Variants in CACNA1H observed in about 807,000 individuals in gnomAD.
CACNA1H encodes calcium voltage-gated channel subunit alpha1 H, also known as voltage-dependent T-type calcium channel subunit alpha-1H.
In CACNA1H, 149 loss-of-function variants were observed where a neutral mutation model predicts 192.5. That is an observed-to-expected ratio of 0.77 (90% CI 0.68 to 0.89). CACNA1H has a LOEUF of 0.89. Ranked by LOEUF, CACNA1H falls within the 40% of genes least tolerant of loss-of-function variation. The probability of loss-of-function intolerance (pLI) is 0.00; values close to 1 mark genes in which losing one functional copy is unlikely to be tolerated. For missense variants in CACNA1H, 4,257 were observed against 3,423.5 expected (o/e 1.24, Z -6.08); for synonymous variants, 2,202 against 1,475.2 (o/e 1.49, Z -11.29).
In CACNA1H at chr16:1,153,321, CGGGCCGGGGGCGGAGGCGCTGGGGGCCG is replaced by C. The variant is rs1961820934; in HGVS notation, c.-158_-131del. The C allele has an allele frequency of 7.1e-6, 1 of 140,150 alleles. No homozygotes were observed. Among genetic ancestry groups the C allele is most frequent in the Admixed American group, 7.0e-5 (1 of 14,330 alleles). 8.7% of individuals were successfully genotyped at this position (140,150 alleles called of 1,614,324 possible). The stretch of plus-strand genomic sequence containing the variant: ...CCGGGAGCCGGGCGGGCTGGGGACG[CGGGCCGGGGGCGGAGGCGCTGGGGGCCG>C]GGGCCGGGGCCGGGGGCGGAGGCGC... On this transcript the variant is annotated 5_prime_UTR_variant, in exon 1 of 35. Coordinates refer to ENST00000348261, the MANE Select transcript of CACNA1H (RefSeq NM_021098.3).
rs374847612 is a variant in CACNA1H, at chr16:1,209,318, G to T, written c.3650G>T (p.Arg1217Leu). ...CTCCCGCCTACCAAGTGCCGCGATC[G>T]CGACGGGCAGGTGGTGGCCCTGCCC... ...AALPPTKCRD[R>L]DGQVVALPSD... Residue 1217 changes from arginine to leucine, a missense_variant, in exon 17 of 35, where the codon CGC becomes CTC. Arg to Leu is a moderately radical substitution (Grantham distance 102, BLOSUM62 -2). Coordinates refer to ENST00000348261, the MANE Select transcript of CACNA1H (RefSeq NM_021098.3). 1 of 1,597,748 alleles carries T rather than the reference G, an allele frequency of 6.3e-7. No individual in the cohort carries two copies. The highest frequency in any genetic ancestry group is 8.5e-7 in the Non-Finnish European group (1 of 1,179,088).
At chr16:1,165,936 G>C (rs1170438373) in intron 2 of CACNA1H, among the ~76,000 whole-genome samples, 1 of 152,182 alleles carries the variant, frequency 6.6e-6, no homozygotes, top group Non-Finnish European at 1.5e-5. Flanking sequence ...TGTGGGGCAA[G>C]AGTGGTGGGC....
chr16:1,163,695 G>A (rs1330833317), intron 2 of CACNA1H, among the ~76,000 whole-genome samples: 3 of 152,238 alleles, frequency 2.0e-5, no homozygotes, highest in South Asian at 2.1e-4. Flanking sequence ...GAAGCTGGCC[G>A]CTGTGTCTGA....
chr16:1,186,129 T>G (rs1250777917), intron 2 of CACNA1H, among the ~76,000 whole-genome samples: 6 of 108,606 alleles, frequency 5.5e-5, no homozygotes, highest in East Asian at 2.5e-4. Context: ...GGAGGCGGGG[T>G]GTGTACGGGG....
chr16:1,182,445 G>A (rs1965570029), intron 2 of CACNA1H, among the ~76,000 whole-genome samples: 3 of 152,148 alleles, frequency 2.0e-5, no homozygotes, highest in Non-Finnish European at 1.5e-5. Context: ...TGCGCTGGGG[G>A]CGGTGCTCTC....
chr16:1,205,143 C>G lies in CACNA1H; in HGVS notation c.2481C>G (p.Ile827Met), dbSNP rs1200415720. The change falls in exon 11 of 35, where the codon ATC (isoleucine) becomes ATG (methionine). Residue 827 changes from isoleucine to methionine, a missense_variant. Coordinates refer to ENST00000348261, the MANE Select transcript of CACNA1H (RefSeq NM_021098.3). ...QPEELTNALE[I>M]SNIVFTSMFA... ...AGGAGCTGACTAATGCTCTGGAGATCAGCAACATCGTGTTCACCAGCATGT... is the reference window on the plus strand; with the variant it reads ...AGGAGCTGACTAATGCTCTGGAGATGAGCAACATCGTGTTCACCAGCATGT... The G allele has an allele frequency of 3.7e-6, 6 of 1,612,686 alleles. No homozygotes were observed. The highest frequency in any genetic ancestry group is 5.1e-6 in the Non-Finnish European group (6 of 1,179,772).
chr16:1,215,185 C>A (rs749939074), intron 28 of CACNA1H, 57 bp from the exon 29 acceptor site: 1 of 1,580,060 alleles, frequency 6.3e-7, no homozygotes, highest in African/African-American at 1.3e-5. Flanking sequence ...GCAGAAGCAA[C>A]GCTGCTGAGC....
Position 1,204,248 on chromosome 16 carries a change from T to C in CACNA1H, c.2241T>C (p.Arg747=), listed in dbSNP as rs1003381153. 6.2e-7 allele frequency: 1 copy of C among 1,610,408 alleles called. No homozygotes were observed. The highest frequency in any genetic ancestry group is 8.5e-7 in the Non-Finnish European group (1 of 1,178,896). Residue 747 remains arginine, a synonymous_variant, in exon 10 of 35, where the codon CGT becomes CGC. Coordinates refer to ENST00000348261, the MANE Select transcript of CACNA1H (RefSeq NM_021098.3). Reference sequence around the variant, plus strand: ...GCTGGGACCCCACGCGACCACCCCGTGCGACGGACACACCAGGCCCAGGCC... The same window carrying C: ...GCTGGGACCCCACGCGACCACCCCGCGCGACGGACACACCAGGCCCAGGCC... The part of the protein sequence containing the change: ...GDRWDPTRPP[R]ATDTPGPGPG...
intron 2 of CACNA1H, among the ~76,000 whole-genome samples, chr16:1,192,164 C>T (rs551207542): frequency 6.6e-6 from 1 of 152,346 alleles, no homozygotes; most frequent in South Asian, 2.1e-4. Flanking sequence ...CCAGACGGTC[C>T]GAGAGGTCGG....
chr16:1,160,071 C>T (rs888531084), intron 2 of CACNA1H: 1 of 152,346 alleles, frequency 6.6e-6, no homozygotes, highest in Non-Finnish European at 1.5e-5. Flanking sequence ...TCCACAGCAG[C>T]TCTGCTGGCT....
At position 1,202,169 on chromosome 16, in the gene CACNA1H, C is replaced by T. The variant is rs964041008; in HGVS notation, c.1719C>T (p.His573=). Residue 573 remains histidine (H), a synonymous_variant, in exon 9 of 35, where the codon CAC becomes CAT. Coordinates refer to ENST00000348261, the MANE Select transcript of CACNA1H (RefSeq NM_021098.3). Reference sequence around the variant, plus strand: ...GACCCCCCGACGCAGAGTCTGTGCACAGCATCTACCATGCCGACTGCCACA... The same window carrying T: ...GACCCCCCGACGCAGAGTCTGTGCATAGCATCTACCATGCCGACTGCCACA... ...GRGPPDAESV[H]SIYHADCHIE... 30 of 1,551,940 alleles carry T rather than the reference C, an allele frequency of 1.9e-5. No homozygotes were observed. In the East Asian group the frequency reaches 3.9e-4, roughly 20 times the overall value.
At chr16:1,158,488 C>T (rs1962731011) in intron 2 of CACNA1H, among the ~76,000 whole-genome samples, 1 of 152,172 alleles carries the variant, frequency 6.6e-6, no homozygotes, top group Non-Finnish European at 1.5e-5. Context: ...CGTAGTCATT[C>T]CCTCCCCTTC....
In CACNA1H at chr16:1,205,015, G is replaced by A. The variant is rs1289711214; in HGVS notation, c.2452-99G>A. The stretch of plus-strand genomic sequence containing the variant: ...GGGTGGGGCCCCAGATCAGTGCCGG[G>A]GAGGGGTGGGAGCCACGGGTGGGGG... On this transcript the variant is annotated intron_variant, in intron 10 of 34. Coordinates refer to ENST00000348261, the MANE Select transcript of CACNA1H (RefSeq NM_021098.3). 11 of 694,790 alleles carry A rather than the reference G, an allele frequency of 1.6e-5. No homozygotes were observed. In the Admixed American group the frequency reaches 2.6e-4, roughly 16 times the overall value. 43.0% of individuals were successfully genotyped at this position (694,790 alleles called of 1,614,324 possible). A position where few individuals can be genotyped will look rare whatever the true frequency, so the allele number is the denominator to read the frequency against.
chr16:1,217,856 G>C lies in CACNA1H; in HGVS notation c.5324-63G>C. On this transcript the variant is annotated intron_variant, in intron 31 of 34. Transcript: ENST00000348261. ...TCCCCAAGGGGCATGTGGAGGCTGGGTGCATGTCCCGCCTCCACCCGGAGC... is the reference window on the plus strand; with the variant it reads ...TCCCCAAGGGGCATGTGGAGGCTGGCTGCATGTCCCGCCTCCACCCGGAGC... The C allele has an allele frequency of 2.0e-6, 3 of 1,522,106 alleles. 1 individual carries two copies. The South Asian group carries it at 3.7e-5, about 19-fold the overall frequency. 94.3% of individuals were successfully genotyped at this position (1,522,106 alleles called of 1,614,324 possible).
rs777382436 is a variant in CACNA1H at position 1,210,332 on chromosome 16, C to T, written c.3846-38C>T. 84 of 1,327,852 alleles carry T rather than the reference C, an allele frequency of 6.3e-5. 1 individual carries two copies. The African/African-American group carries it at 1.0e-3, about 16-fold the overall frequency. 82.3% of individuals were successfully genotyped at this position (1,327,852 alleles called of 1,614,324 possible). A position where few individuals can be genotyped will look rare whatever the true frequency, so the allele number is the denominator to read the frequency against. On this transcript the variant is annotated intron_variant, in intron 18 of 34. Transcript: ENST00000348261. ...CCCCCATCCACTCTGCCATCCACGC[C>T]GCCCCGCCCCACCTCTCACCCGCCC...
Position 1,207,087 on chromosome 16 carries a change from C to G in CACNA1H, c.2876C>G (p.Ser959Cys). 6.2e-7 allele frequency: 1 copy of G among 1,600,122 alleles called. No homozygotes were observed. Among genetic ancestry groups the G allele is most frequent in the Non-Finnish European group, 8.5e-7 (1 of 1,173,286 alleles). ...DTVPDRKNFD[S>C]LLWAIVTVFQ... is the part of the protein sequence containing the mutation. ...GTGCCTGACAGGAAGAACTTCGACTCCCTGCTGTGGGCCATCGTCACCGTG... is the reference window on the plus strand; with the variant it reads ...GTGCCTGACAGGAAGAACTTCGACTGCCTGCTGTGGGCCATCGTCACCGTG... The change falls in exon 13 of 35, where the codon TCC (serine) becomes TGC (cysteine). Residue 959 changes from serine (S) to cysteine (C), a missense_variant. By Grantham distance (112) the Ser-to-Cys change is moderately radical. Transcript: ENST00000348261.
At chr16:1,211,365 A>T (rs551267858) in intron 22 of CACNA1H, 71 bp downstream of exon 22, 42 of 1,607,294 alleles carry the variant, frequency 2.6e-5, no homozygotes, top group Non-Finnish European at 3.6e-5. Context: ...CGTGGCTCCC[A>T]GCAGCGCCGC....
chr16:1,211,948 T>C lies in CACNA1H; in HGVS notation c.4569T>C (p.Pro1523=). ...GACCCACCGCCTCTGTGCCACAGCC[T>C]GTGCAGAACCACAACCCCTGGATGC... The part of the protein sequence containing the change: ...GLDAVGVDQQ[P]VQNHNPWMLL... The change falls in exon 25 of 35, where the codon CCT becomes CCC. Residue 1523 remains proline, a splice_region_variant and synonymous_variant. Transcript: ENST00000348261. 6 of 1,613,304 alleles carry C rather than the reference T, an allele frequency of 3.7e-6. No homozygotes were observed. Among genetic ancestry groups the C allele is most frequent in the Non-Finnish European group, 5.1e-6 (6 of 1,179,642 alleles).
chr16:1,164,243 G>A lies in CACNA1H; in HGVS notation c.299+10207G>A, dbSNP rs188737167. Among the ~76,000 whole-genome samples the A allele has an allele frequency of 2.5e-4, 38 of 152,346 alleles. No individual in the cohort carries two copies. The East Asian group carries it at 4.8e-3, about 19-fold the overall frequency. ...GGGGTGTCCATGCATGTTTGAGACG[G>A]GCGGCAGTGTCGTCAGTTGCAGGGG... is the stretch of plus-strand genomic sequence containing the variant. On this transcript the variant is annotated intron_variant, in intron 2 of 34. Transcript: ENST00000348261.
Sources: gnomAD v4.1 joint callset for allele counts (sites outside exome capture counted in the v4.1 genomes callset) on GRCh38, gnomAD v4.1.1 for gene constraint, MANE v1.5 for transcripts, NCBI Gene and HGNC (gene_info 2026-07-23, HGNC 2026-07-21) for gene names.